Variants in PXDNL observed in about 807,000 individuals in gnomAD.
The protein encoded by PXDNL is probable oxidoreductase PXDNL.
In PXDNL, 145 loss-of-function variants were observed where a neutral mutation model predicts 150.8. The ratio of observed to expected loss-of-function variants is 0.96; its 90% confidence interval spans 0.84 to 1.10. The LOEUF (loss-of-function observed/expected upper bound fraction) is 1.10. Among genes scored for constraint, PXDNL ranks in the 50% least tolerant of loss-of-function variants. The probability of loss-of-function intolerance (pLI) is 0.00; values close to 1 mark genes in which losing one functional copy is unlikely to be tolerated. For missense variants in PXDNL, 2,087 were observed against 1,873.9 expected, an observed-to-expected ratio of 1.11 and a Z score of -2.10; for synonymous variants, 757 against 725.7, an observed-to-expected ratio of 1.04 and a Z score of -0.69.
chr8:51,497,665 C>A (rs550012320), intron 5 of PXDNL, among the ~76,000 whole-genome samples: 2 of 152,144 alleles, frequency 1.3e-5, no homozygotes, highest in African/African-American at 4.8e-5. Flanking sequence ...ATGCAGCCAA[C>A]AGACACTTAA....
chr8:51,494,290 T>G (rs541462081), intron 5 of PXDNL, among the ~76,000 whole-genome samples: 1 of 151,724 alleles, frequency 6.6e-6, no homozygotes, highest in South Asian at 2.1e-4. Flanking sequence ...GCACTAAACA[T>G]GGAAAGGAAC....
intron 8 of PXDNL, among the ~76,000 whole-genome samples, chr8:51,459,990 G>A (rs1810035408): frequency 6.6e-6 from 1 of 152,114 alleles, no homozygotes; most frequent in Admixed American, 6.5e-5. Context: ...ACTCACACCT[G>A]TGATGCCAGC....
intron 2 of PXDNL, among the ~76,000 whole-genome samples, chr8:51,616,457 C>G (rs911316627): frequency 2.0e-5 from 3 of 152,188 alleles, no homozygotes; most frequent in Non-Finnish European, 4.4e-5. Context: ...GAAAAATACA[C>G]AGAAACACAC....
At chr8:51,661,209 G>C (rs4873199) in intron 1 of PXDNL, among the ~76,000 whole-genome samples, 100,575 of 151,872 alleles carry the variant, frequency 0.66, 33,819 homozygotes, top group Non-Finnish European at 0.72. Context: ...GCTGAGGAAG[G>C]CTCCTGAATT....
At chr8:51,652,556 G>A (rs1164283911) in intron 2 of PXDNL, among the ~76,000 whole-genome samples, 1 of 151,922 alleles carries the variant, frequency 6.6e-6, no homozygotes, top group Non-Finnish European at 1.5e-5. Flanking sequence ...TTTCCTGAAT[G>A]CTATCATGAG....
intron 1 of PXDNL, among the ~76,000 whole-genome samples, chr8:51,659,435 T>G (rs976266096): frequency 1.1e-4 from 17 of 152,178 alleles, no homozygotes; most frequent in African/African-American, 3.9e-4. Flanking sequence ...TTTTAACTAA[T>G]AAGATGTGAG....
At chr8:51,434,566 A>C (rs1411559056) in intron 12 of PXDNL, among the ~76,000 whole-genome samples, 2 of 152,218 alleles carry the variant, frequency 1.3e-5, no homozygotes, top group African/African-American at 4.8e-5. Flanking sequence ...GTTTGTACTC[A>C]ATATACATTA....
At chr8:51,527,221 G>A (rs549885871) in intron 4 of PXDNL, among the ~76,000 whole-genome samples, 23 of 152,278 alleles carry the variant, frequency 1.5e-4, no homozygotes, top group Middle Eastern at 3.4e-3. Flanking sequence ...ACAATGAGCT[G>A]GGACCTACCT....
chr8:51,587,292 G>A (rs1563474326), intron 3 of PXDNL, among the ~76,000 whole-genome samples: 1 of 152,104 alleles, frequency 6.6e-6, no homozygotes, highest in Non-Finnish European at 1.5e-5. Context: ...CAAAGAAAAG[G>A]AGAATTTTGC....
At chr8:51,729,895 A>ATG (rs1306071346) in intron 1 of PXDNL, among the ~76,000 whole-genome samples, 1 of 152,234 alleles carries the variant, frequency 6.6e-6, no homozygotes, top group Non-Finnish European at 1.5e-5. Context: ...GCTATGTGCT[A>ATG]TGTGACACAC....
At chr8:51,463,790 T>C (rs1270479710) in intron 8 of PXDNL, among the ~76,000 whole-genome samples, 3 of 152,088 alleles carry the variant, frequency 2.0e-5, no homozygotes, top group Non-Finnish European at 2.9e-5. Context: ...AAAAAATGAA[T>C]ACCAAGAATA....
intron 21 of PXDNL, among the ~76,000 whole-genome samples, chr8:51,331,017 C>T (rs890812505): frequency 5.3e-5 from 8 of 152,112 alleles, no homozygotes; most frequent in Non-Finnish European, 8.8e-5. Context: ...TGCAGCATTG[C>T]GGAGGCTTGC....
chr8:51,744,055 AAGGAAGGAAGGAAG>A (rs1563307051), intron 1 of PXDNL, among the ~76,000 whole-genome samples: 29 of 59,074 alleles, frequency 4.9e-4, no homozygotes, highest in Non-Finnish European at 8.0e-4. Flanking sequence ...GGAAGGAAGG[AAGGAAGGAAGGAAG>A]GAAGGAAGGA....
chr8:51,588,079 G>C (rs1367353172), intron 3 of PXDNL, among the ~76,000 whole-genome samples: 1 of 152,156 alleles, frequency 6.6e-6, no homozygotes, highest in African/African-American at 2.4e-5. Context: ...CATTAAAGCT[G>C]GGACAAGAAA....
At chr8:51,392,137 T>C (rs1365606728) in intron 17 of PXDNL, among the ~76,000 whole-genome samples, 1 of 152,246 alleles carries the variant, frequency 6.6e-6, no homozygotes, top group African/African-American at 2.4e-5. Context: ...TTTTGGTTAC[T>C]GTGGCCTTGT....
intron 2 of PXDNL, among the ~76,000 whole-genome samples, chr8:51,620,841 TGGCC>T (rs1814236773): frequency 6.6e-6 from 1 of 152,216 alleles, no homozygotes. Context: ...CCACCATGCC[TGGCC>T]TTAAATACTT....
chr8:51,696,745 ATACC>A (rs1816143963), intron 1 of PXDNL, among the ~76,000 whole-genome samples: 1 of 130,094 alleles, frequency 7.7e-6, no homozygotes, highest in Non-Finnish European at 1.7e-5. Context: ...GTCCACACAC[ATACC>A]CACCCACACA....
Position 51,727,745 on chromosome 8 carries a change from T to C in PXDNL, c.165-72985A>G, listed in dbSNP as rs577914262. Among the ~76,000 whole-genome samples the C allele has an allele frequency of 2.6e-4, 40 of 152,326 alleles. 1 individual carries two copies. The South Asian group carries it at 8.3e-3, about 32-fold the overall frequency. On this transcript the variant is annotated intron_variant, in intron 1 of 22. Coordinates refer to ENST00000356297, the MANE Select transcript of PXDNL (RefSeq NM_144651.5). ...GAACTAGGGATCTACAATCACGCTA[T>C]GCCTAAATGAGGCAAACACCTATGG...
intron 4 of PXDNL, among the ~76,000 whole-genome samples, chr8:51,549,921 C>A (rs1190384941): frequency 6.6e-6 from 1 of 151,820 alleles, no homozygotes. Context: ...TAAACAAAAT[C>A]AATAGACCAT....
Sources: gnomAD v4.1 joint callset for allele counts (sites outside exome capture counted in the v4.1 genomes callset) on GRCh38, gnomAD v4.1.1 for gene constraint, MANE v1.5 for transcripts, NCBI Gene and HGNC (gene_info 2026-07-23, HGNC 2026-07-21) for gene names.